Variants in CCL14 observed in about 807,000 individuals in gnomAD.
The protein encoded by CCL14 is C-C motif chemokine ligand 14.
Under a neutral mutation model 8.2 loss-of-function variants are expected in CCL14, and 8 were observed. The ratio of observed to expected loss-of-function variants is 0.98; its 90% CI spans 0.57 to 1.76. The LOEUF is 1.76. Among genes scored for constraint, CCL14 ranks in the 40% most tolerant of loss-of-function variants. CCL14 has a pLI of 0.00. For synonymous variants in CCL14, 50 were observed against 43.2 expected, an observed-to-expected ratio of 1.16 and a Z score of -0.62; for missense variants, 127 against 118.3, an observed-to-expected ratio of 1.07 and a Z score of -0.34.
intron 1 of CCL14, chr17:35,985,610 G>T: frequency 1.4e-6 from 1 of 705,954 alleles, no homozygotes; most frequent in Non-Finnish European, 2.5e-6. Flanking sequence ...TCCATTCCAG[G>T]CAGCATCCTC....
In CCL14 at chr17:35,986,609, A is replaced by G; in HGVS notation, c.41T>C (p.Ile14Thr). The change falls in exon 1 of 3, where the codon ATC becomes ACC. Residue 14 changes from isoleucine to threonine, a missense_variant. Coordinates refer to ENST00000618404, the MANE Select transcript of CCL14 (RefSeq NM_032963.4). ...AGTCTTGGTCCCTAGGGCGATGGTG[A>G]TGAGGAGGAAGAAGGGAATGGCAGC... The part of the protein sequence containing the change: ...SVAAIPFFLL[I>T]TIALGTKTES... 6.2e-7 allele frequency: 1 copy of G among 1,613,980 alleles called. No individual in the cohort carries two copies. The highest frequency in any genetic ancestry group is 8.5e-7 in the Non-Finnish European group (1 of 1,179,978).
At position 35,986,715 on chromosome 17, in the gene CCL14, G is replaced by T; in HGVS notation, c.-66C>A. On this transcript the variant is annotated 5_prime_UTR_variant, in exon 1 of 3. Coordinates refer to ENST00000618404, the MANE Select transcript of CCL14 (RefSeq NM_032963.4). ...GAGCTTCAGAGGCTCCTGCGGTGAG[G>T]AATTGTTGAGAAATGATCATTGAGG... is the stretch of plus-strand genomic sequence containing the variant. 1 of 1,161,146 alleles carries T rather than the reference G, an allele frequency of 8.6e-7. No individual in the cohort carries two copies. Among genetic ancestry groups the T allele is most frequent in the Non-Finnish European group, 1.3e-6 (1 of 770,486 alleles). 71.9% of individuals were successfully genotyped at this position (1,161,146 alleles called of 1,614,324 possible). A position where few individuals can be genotyped will look rare whatever the true frequency, so the allele number is the denominator to read the frequency against.
At chr17:35,985,669 A>C in intron 1 of CCL14, 9 of 1,240,530 alleles carry the variant, frequency 7.3e-6, no homozygotes, top group South Asian at 1.3e-5. Flanking sequence ...AGACCCAGTC[A>C]GAGCTCCTAT....
At chr17:35,986,169 C>T (rs1254503402) in intron 1 of CCL14, 1 of 361,198 alleles carries the variant, frequency 2.8e-6, no homozygotes, top group Admixed American at 4.5e-5. Context: ...CAAGGGGGGA[C>T]TGGTCCTGGG....
At chr17:35,984,160 C>A (rs1288244312) in intron 2 of CCL14, among the ~76,000 whole-genome samples, 178 bp downstream of exon 2, 1 of 151,950 alleles carries the variant, frequency 6.6e-6, no homozygotes, top group Admixed American at 6.5e-5. Flanking sequence ...TCAGTTTCCC[C>A]ATGGCTCCTG....
At chr17:35,986,065 C>A in intron 1 of CCL14, 1 of 499,202 alleles carries the variant, frequency 2.0e-6, no homozygotes, top group Non-Finnish European at 3.5e-6. Flanking sequence ...GAAATATACC[C>A]CAAATGGGGT....
chr17:35,984,754 C>A (rs774531833), intron 1 of CCL14: 2 of 507,156 alleles, frequency 3.9e-6, no homozygotes, highest in Non-Finnish European at 6.9e-6. Context: ...TCTTCTTACA[C>A]CATCTCTGGG....
rs190206079 is a variant in CCL14 at position 35,984,066 on chromosome 17, T to C, written c.195-178A>G. Among the ~76,000 whole-genome samples, 7 of 152,300 alleles carry C rather than the reference T, an allele frequency of 4.6e-5. No homozygotes were observed. The East Asian group carries it at 1.4e-3, about 29-fold the overall frequency. On this transcript the variant is annotated intron_variant, in intron 2 of 2. Coordinates refer to ENST00000618404, the MANE Select transcript of CCL14 (RefSeq NM_032963.4). The stretch of plus-strand genomic sequence containing the variant: ...CATACTCTTCGGTTCCTAGGACCCC[T>C]AGACCCATCTAGTCTCTGTGTCCCC...
Position 35,983,459 on chromosome 17 carries a change from G to A in CCL14, c.*342C>T. On this transcript the variant is annotated 3_prime_UTR_variant, in exon 3 of 3. Coordinates refer to ENST00000618404, the MANE Select transcript of CCL14 (RefSeq NM_032963.4). ...AACGGGGTCTGCTACTGTTGTTGCT[G>A]AGGAGGAGACGGTCTTTACACTGCT... is the stretch of plus-strand genomic sequence containing the variant. 1 of 265,012 alleles carries A rather than the reference G, an allele frequency of 3.8e-6. No individual in the cohort carries two copies. Among genetic ancestry groups the A allele is most frequent in the Non-Finnish European group, 7.1e-6 (1 of 139,896 alleles). 16.4% of individuals were successfully genotyped at this position (265,012 alleles called of 1,614,324 possible).
At chr17:35,984,288 G>A (rs1568455926) in intron 2 of CCL14, 50 bp downstream of exon 2, 8 of 1,322,130 alleles carry the variant, frequency 6.1e-6, no homozygotes, top group Non-Finnish European at 8.7e-6. Context: ...CCCTCCAGGA[G>A]GCCCTGCTGG....
In CCL14 at chr17:35,983,882, G is replaced by A. The variant is rs1359829390; in HGVS notation, c.201C>T (p.Ile67=). 4 of 1,613,258 alleles carry A rather than the reference G, an allele frequency of 2.5e-6. No homozygotes were observed. The highest frequency in any genetic ancestry group is 3.4e-6 in the Non-Finnish European group (4 of 1,179,342). Residue 67 remains isoleucine, a synonymous_variant, in exon 3 of 3, where the codon ATC becomes ATT. Transcript: ENST00000618404. ...TACAGACGGAATGGCCCCTTTTGGT[G>A]ATGAAGCTGTGGAGCAAGAGGGAGA... ...SQCSKPGIVF[I]TKRGHSVCTN... is the part of the protein sequence containing the mutation.
intron 1 of CCL14, chr17:35,986,355 G>C (rs547632175): frequency 1.7e-6 from 1 of 572,856 alleles, no homozygotes. Context: ...ACAGTCCTAA[G>C]TCTCATCTCC....
At chr17:35,985,657 T>G in intron 1 of CCL14, 2 of 1,153,024 alleles carry the variant, frequency 1.7e-6, no homozygotes, top group Non-Finnish European at 2.5e-6. Flanking sequence ...CCCTGTTTCC[T>G]GAGACCCAGT....
In CCL14 at chr17:35,984,462, G is replaced by C. The variant is rs1315738043; in HGVS notation, c.80-10C>G. On this transcript the variant is annotated splice_polypyrimidine_tract_variant and intron_variant, in intron 1 of 2. Coordinates refer to ENST00000618404, the MANE Select transcript of CCL14 (RefSeq NM_032963.4). ...GGGTGGTAAGGTCCCCCTGAGGAGA[G>C]AGCATCAGATGCTGAGGAGGGGCCC... 3 of 1,592,912 alleles carry C rather than the reference G, an allele frequency of 1.9e-6. No homozygotes were observed. The highest frequency in any genetic ancestry group is 2.6e-6 in the Non-Finnish European group (3 of 1,161,650).
intron 2 of CCL14, 140 bp from the exon 3 acceptor site, chr17:35,984,028 C>T (rs982580640): frequency 3.2e-5 from 23 of 715,542 alleles, no homozygotes; most frequent in Non-Finnish European, 5.3e-5. Flanking sequence ...TAGAGCCAGT[C>T]TCCTCTCTGA....
intron 1 of CCL14, chr17:35,985,563 G>C: frequency 1.7e-6 from 1 of 605,624 alleles, no homozygotes; most frequent in Non-Finnish European, 2.9e-6. Flanking sequence ...AGGGTGGCCA[G>C]ATGTCTGGGT....
chr17:35,986,287 A>T, intron 1 of CCL14: 1 of 452,082 alleles, frequency 2.2e-6, no homozygotes. Context: ...GAGTCTCCCA[A>T]GTCAAGTCTC....
intron 1 of CCL14, chr17:35,985,613 G>T: frequency 1.4e-6 from 1 of 713,544 alleles, no homozygotes; most frequent in Non-Finnish European, 2.4e-6. Flanking sequence ...ATTCCAGGCA[G>T]CATCCTCACG....
chr17:35,984,497 G>C (rs986512912), intron 1 of CCL14, 45 bp from the exon 2 acceptor site: 1 of 1,271,180 alleles, frequency 7.9e-7, no homozygotes, highest in African/African-American at 1.5e-5. Context: ...CCTTGTTAAA[G>C]GCCATACCAT....
Sources: allele counts gnomAD v4.1 joint callset (sites outside exome capture counted in the v4.1 genomes callset), GRCh38; gene constraint gnomAD v4.1.1; transcripts MANE v1.5; gene names NCBI Gene and HGNC (gene_info 2026-07-23, HGNC 2026-07-21).